The following FRMD3 variants were observed in gnomAD, a reference collection of about 807,000 sequenced individuals.
FRMD3 encodes FERM domain containing 3.
FRMD3 carries 33 observed loss-of-function variants against 70.2 expected under a neutral mutation model. The observed-to-expected ratio is 0.47, with a 90% confidence interval of 0.36 to 0.63. FRMD3 has a LOEUF of 0.63. Ranked by LOEUF, FRMD3 falls within the 20% of genes least tolerant of loss-of-function variation. The pLI, the probability that FRMD3 is intolerant of heterozygous loss-of-function variation, is 0.00. For synonymous variants in FRMD3, 279 were observed against 255.9 expected, an observed-to-expected ratio of 1.09 and a Z score of -0.86; for missense variants, 632 against 711.4, an observed-to-expected ratio of 0.89 and a Z score of 1.27.
At chr9:83,425,121 A>C (rs1357838979) in intron 1 of FRMD3, among the ~76,000 whole-genome samples, 1 of 152,222 alleles carries the variant, frequency 6.6e-6, no homozygotes, top group Non-Finnish European at 1.5e-5. Flanking sequence ...TCTTATCATT[A>C]AGAGATTTCT....
the FRMD3 span, among the ~76,000 whole-genome samples, chr9:83,558,668 C>A: frequency 1.6e-3 from 240 of 152,212 alleles, 1 homozygote; most frequent in African/African-American, 5.6e-3. Flanking sequence ...ATAGTGATTC[C>A]TCTGATGGAT....
At chr9:83,425,309 A>G (rs1327045415) in intron 1 of FRMD3, among the ~76,000 whole-genome samples, 1 of 152,200 alleles carries the variant, frequency 6.6e-6, no homozygotes, top group Admixed American at 6.5e-5. Flanking sequence ...GAGAATTAGC[A>G]GCCAGAGTAC....
chr9:83,376,280 T>C (rs1285812704), intron 2 of FRMD3, among the ~76,000 whole-genome samples: 1 of 151,584 alleles, frequency 6.6e-6, no homozygotes, highest in East Asian at 1.9e-4. Flanking sequence ...TTCACTGCAA[T>C]ATTATATAAA....
chr9:83,561,483 T>C, the FRMD3 span, among the ~76,000 whole-genome samples: 3 of 152,244 alleles, frequency 2.0e-5, no homozygotes, highest in African/African-American at 7.2e-5. Flanking sequence ...TTACTAGGTA[T>C]GCTGCAGTAA....
At chr9:83,430,757 TC>T (rs1407150761) in intron 1 of FRMD3, among the ~76,000 whole-genome samples, 3 of 152,224 alleles carry the variant, frequency 2.0e-5, no homozygotes, top group Non-Finnish European at 4.4e-5. Context: ...ATTACAGATT[TC>T]CCTAAAATCT....
chr9:83,284,701 G>A (rs1834117255), intron 13 of FRMD3, among the ~76,000 whole-genome samples: 1 of 152,230 alleles, frequency 6.6e-6, no homozygotes, highest in African/African-American at 2.4e-5. Flanking sequence ...AGCATCTGGG[G>A]GAAAATGGTG....
chr9:83,244,497 T>G (rs1388955514), downstream of FRMD3: 1 of 172,004 alleles, frequency 5.8e-6, no homozygotes, highest in East Asian at 2.0e-4. Flanking sequence ...CTGGGATTTT[T>G]TTTTTTAATA....
chr9:83,503,169 A>G (rs1199858896), intron 1 of FRMD3, among the ~76,000 whole-genome samples: 2 of 152,206 alleles, frequency 1.3e-5, no homozygotes. Flanking sequence ...TGATTGTGCT[A>G]TGTTGCATGG....
chr9:83,319,885 C>T (rs1157306242), intron 6 of FRMD3, among the ~76,000 whole-genome samples: 1 of 152,198 alleles, frequency 6.6e-6, no homozygotes, highest in Admixed American at 6.5e-5. Flanking sequence ...CCATGTAGAA[C>T]TGTAAATCAA....
Position 83,245,735 on chromosome 9 carries a change from G to A in FRMD3, c.*2183C>T, listed in dbSNP as rs1832061801. The A allele has an allele frequency of 1.0e-6, 1 of 984,350 alleles. No individual in the cohort carries two copies. Among genetic ancestry groups the A allele is most frequent in the Non-Finnish European group, 1.2e-6 (1 of 829,048 alleles). 61.0% of individuals were successfully genotyped at this position (984,350 alleles called of 1,614,324 possible). A position where few individuals can be genotyped will look rare whatever the true frequency, so the allele number is the denominator to read the frequency against. On this transcript the variant is annotated 3_prime_UTR_variant, in exon 14 of 14. Coordinates refer to ENST00000304195, the MANE Select transcript of FRMD3 (RefSeq NM_174938.6). ...GTCAGAACTTTAGAGAAAATTATAT[G>A]ACGCATGATCAGAAGGGGACTAATT...
At chr9:83,372,168 A>C (rs79952986) in intron 3 of FRMD3, among the ~76,000 whole-genome samples, 3,247 of 152,246 alleles carry the variant, frequency 0.021, 124 homozygotes, top group African/African-American at 0.071. Context: ...GGTGCATTTC[A>C]GAAGTTCTCC....
intron 13 of FRMD3, among the ~76,000 whole-genome samples, chr9:83,272,777 T>C (rs1425360191): frequency 4.6e-5 from 6 of 129,902 alleles, no homozygotes; most frequent in East Asian, 2.4e-4. Context: ...ATGTGGGGAG[T>C]GCCTCTGCCC....
chr9:83,330,221 C>T (rs181810002), intron 6 of FRMD3, among the ~76,000 whole-genome samples: 276 of 151,736 alleles, frequency 1.8e-3, no homozygotes, highest in African/African-American at 6.3e-3. Context: ...AAAATTAGCC[C>T]GGCAGGGTGG....
intron 1 of FRMD3, among the ~76,000 whole-genome samples, chr9:83,481,447 C>T (rs1205204012): frequency 6.6e-6 from 1 of 152,090 alleles, no homozygotes; most frequent in Non-Finnish European, 1.5e-5. Flanking sequence ...ATGATGATTA[C>T]AAAGATTTTT....
intron 6 of FRMD3, 79 bp downstream of exon 6, chr9:83,335,437 C>A: frequency 1.4e-6 from 2 of 1,406,716 alleles, no homozygotes; most frequent in Non-Finnish European, 2.0e-6. Context: ...TCCTCCTTCA[C>A]GATGTGATTT....
the FRMD3 span, among the ~76,000 whole-genome samples, chr9:83,560,214 G>A: frequency 2.0e-5 from 3 of 152,310 alleles, no homozygotes; most frequent in South Asian, 2.1e-4. Context: ...AACAGGCAGC[G>A]TATCTTCCCT....
At chr9:83,530,219 A>T (rs969768601) in intron 1 of FRMD3, among the ~76,000 whole-genome samples, 1 of 152,226 alleles carries the variant, frequency 6.6e-6, no homozygotes, top group East Asian at 1.9e-4. Context: ...AATAGCCAAA[A>T]TGTCCATCAA....
At chr9:83,461,978 A>G (rs554893341) in intron 1 of FRMD3, among the ~76,000 whole-genome samples, 159 of 152,174 alleles carry the variant, frequency 1.0e-3, no homozygotes, top group Middle Eastern at 0.01. Flanking sequence ...TAAGCCACCA[A>G]TGCCTGGCAG....
the FRMD3 span, among the ~76,000 whole-genome samples, chr9:83,572,680 G>A: frequency 1.3e-5 from 2 of 152,192 alleles, no homozygotes; most frequent in East Asian, 3.8e-4. Context: ...AGACAGGCAT[G>A]TGTGGCTGTG....
Sources: gnomAD v4.1 joint callset for allele counts (sites outside exome capture counted in the v4.1 genomes callset) on GRCh38, gnomAD v4.1.1 for gene constraint, MANE v1.5 for transcripts, NCBI Gene and HGNC (gene_info 2026-07-23, HGNC 2026-07-21) for gene names.